The following USP35 variants were observed in gnomAD, a reference collection of about 807,000 sequenced individuals.
The protein encoded by USP35 is ubiquitin carboxyl-terminal hydrolase 35.
USP35 carries 69 observed loss-of-function variants against 83.8 expected under a neutral mutation model. The ratio of observed to expected loss-of-function variants is 0.82; its 90% CI spans 0.68 to 1.01. The LOEUF (loss-of-function observed/expected upper bound fraction) is 1.01, where lower values mean the gene tolerates loss of function less well. USP35 is among the 50% of genes least tolerant of loss of function. The probability of loss-of-function intolerance (pLI) is 0.00; values close to 1 mark genes in which losing one functional copy is unlikely to be tolerated. For missense variants in USP35, 1,503 were observed against 1,362.5 expected (o/e 1.10, Z -1.62); for synonymous variants, 714 against 589.5 (o/e 1.21, Z -3.06).
In USP35 at chr11:78,213,627, C is replaced by A; in HGVS notation, c.2890-19C>A. The A allele has an allele frequency of 6.8e-7, 1 of 1,466,012 alleles. No individual in the cohort carries two copies. Among genetic ancestry groups the A allele is most frequent in the Non-Finnish European group, 9.0e-7 (1 of 1,113,634 alleles). The allele number at this position is 1,466,012 out of a possible 1,614,324, so 90.8% of individuals were successfully genotyped here. A position where few individuals can be genotyped will look rare whatever the true frequency, so the allele number is the denominator to read the frequency against. On this transcript the variant is annotated intron_variant, in intron 10 of 10. Transcript: ENST00000529308. ...GGTGTGAATTCTAAGTCTAAGTCTC[C>A]TCTCATCTGTGTTCCCAGGAGCAGG...
intron 6 of USP35, among the ~76,000 whole-genome samples, chr11:78,203,891 T>C (rs1353105259): frequency 7.0e-6 from 1 of 142,474 alleles, no homozygotes. Context: ...ATTTTTCTTT[T>C]CTTTTTTTTT....
chr11:78,209,076 A>C (rs2134411626), intron 9 of USP35, 113 bp downstream of exon 9: 65 of 1,056,606 alleles, frequency 6.2e-5, no homozygotes, highest in Middle Eastern at 2.3e-4. Context: ...TGCCTCCAAC[A>C]TGTGGAGGGC....
At chr11:78,227,344 C>CA in the USP35 span, among the ~76,000 whole-genome samples, 13 of 152,246 alleles carry the variant, frequency 8.5e-5, no homozygotes, top group Admixed American at 3.3e-4. Context: ...TTAAGTACCG[C>CA]AGAATATGCA....
chr11:78,201,806 T>C (rs1037909906), intron 6 of USP35, among the ~76,000 whole-genome samples: 29 of 151,960 alleles, frequency 1.9e-4, no homozygotes, highest in African/African-American at 6.1e-4. Flanking sequence ...ACAGAGGTAG[T>C]GAGACATGTA....
the USP35 span, among the ~76,000 whole-genome samples, chr11:78,233,223 T>C: frequency 4.6e-5 from 7 of 152,172 alleles, no homozygotes; most frequent in African/African-American, 1.7e-4. Flanking sequence ...TTGGTAGAGA[T>C]GGGGTGTCGC....
At chr11:78,222,545 TAATA>T in the USP35 span, among the ~76,000 whole-genome samples, 2 of 148,240 alleles carry the variant, frequency 1.3e-5, no homozygotes, top group African/African-American at 2.4e-5. Flanking sequence ...ATTAATATAT[TAATA>T]TTTATAAAAA....
intron 1 of USP35, among the ~76,000 whole-genome samples, chr11:78,192,639 C>T (rs1030097839): frequency 1.3e-5 from 2 of 152,166 alleles, no homozygotes; most frequent in African/African-American, 4.8e-5. Flanking sequence ...CAGAGGCTGC[C>T]GGCTGGCCTT....
At chr11:78,226,086 T>C in the USP35 span, among the ~76,000 whole-genome samples, 5 of 152,270 alleles carry the variant, frequency 3.3e-5, no homozygotes, top group Admixed American at 1.3e-4. Context: ...CACACAGGTT[T>C]CACTCCAGTT....
chr11:78,219,070 C>T (rs116483523), downstream of USP35: 198 of 555,202 alleles, frequency 3.6e-4, 3 homozygotes, highest in African/African-American at 2.1e-3. Context: ...AGCTGGGCCC[C>T]GAGTGGGCAG....
chr11:78,226,973 G>A, the USP35 span: 29 of 1,613,528 alleles, frequency 1.8e-5, no homozygotes, highest in Non-Finnish European at 2.3e-5. Flanking sequence ...AGTGTCCATT[G>A]CCCTGGGCAA....
chr11:78,232,991 C>T, the USP35 span, among the ~76,000 whole-genome samples: 1 of 150,974 alleles, frequency 6.6e-6, no homozygotes, highest in African/African-American at 2.4e-5. Context: ...TTAGAGGAAA[C>T]ACAGGATTAA....
intron 8 of USP35, 91 bp downstream of exon 8, chr11:78,207,714 A>C (rs545327922): frequency 1.5e-6 from 2 of 1,313,304 alleles, no homozygotes; most frequent in African/African-American, 1.5e-5. Flanking sequence ...ACCTGCCTGC[A>C]TCTGGCTGTC....
chr11:78,227,123 T>C, the USP35 span: 2 of 1,011,632 alleles, frequency 2.0e-6, no homozygotes, highest in East Asian at 2.5e-5. Context: ...GGCAAAGCAC[T>C]TTCTCTTTCT....
chr11:78,213,616 G>T (rs200109858), intron 10 of USP35, 30 bp from the exon 11 acceptor site: 11 of 972,296 alleles, frequency 1.1e-5, no homozygotes, highest in South Asian at 3.1e-5. Context: ...TGAATTCTAA[G>T]TCTAAGTCTC....
chr11:78,192,191 G>A (rs1048496937), intron 1 of USP35, among the ~76,000 whole-genome samples: 2 of 152,220 alleles, frequency 1.3e-5, no homozygotes, highest in African/African-American at 2.4e-5. Context: ...CAGAAAACCT[G>A]TATCTTCAGC....
In USP35 at chr11:78,213,957, T is replaced by TTCTC. The variant is rs1399178984; in HGVS notation, c.*147_*150dup. ...CAGCCTGATGAAGGGTACACAGAGA[T>TTCTC]TCTCTCAGATATGGAAGTAAGACCT... is the stretch of plus-strand genomic sequence containing the variant. On this transcript the variant is annotated 3_prime_UTR_variant, in exon 11 of 11. Coordinates refer to ENST00000529308, the MANE Select transcript of USP35 (RefSeq NM_020798.4). 4.5e-6 allele frequency: 4 copies of TTCTC among 883,958 alleles called. No homozygotes were observed. The highest frequency in any genetic ancestry group is 3.5e-4 in the Middle Eastern group (1 of 2,894). The allele number at this position is 883,958 out of a possible 1,614,324, so 54.8% of individuals were successfully genotyped here. A position where few individuals can be genotyped will look rare whatever the true frequency, so the allele number is the denominator to read the frequency against.
At chr11:78,220,259 T>A in the USP35 span, 3 of 1,597,588 alleles carry the variant, frequency 1.9e-6, no homozygotes, top group East Asian at 4.5e-5. Context: ...CTGGCCTCCA[T>A]GATCTCTGCC....
At chr11:78,209,371 A>C in intron 9 of USP35, 77 bp from the exon 10 acceptor site, 1 of 1,430,706 alleles carries the variant, frequency 7.0e-7, no homozygotes, top group South Asian at 1.4e-5. Context: ...TGGGGAAGGT[A>C]AATGGGCATG....
intron 6 of USP35, among the ~76,000 whole-genome samples, chr11:78,205,633 C>T (rs535638526): frequency 2.6e-5 from 4 of 152,280 alleles, no homozygotes; most frequent in South Asian, 2.1e-4. Flanking sequence ...GCAGTCCTGA[C>T]CTGAAAGACC....
Sources: allele counts gnomAD v4.1 joint callset (sites outside exome capture counted in the v4.1 genomes callset), GRCh38; gene constraint gnomAD v4.1.1; transcripts MANE v1.5; gene names NCBI Gene and HGNC (gene_info 2026-07-23, HGNC 2026-07-21).